SIRT1: variants seen among roughly 807,000 people sequenced by gnomAD.
SIRT1 encodes sirtuin 1.
A neutral mutation model predicts 67.9 loss-of-function variants in SIRT1; 24 were observed. The observed-to-expected ratio is 0.35, with a 90% CI of 0.26 to 0.50. SIRT1 has a LOEUF of 0.50. Among genes scored for constraint, SIRT1 ranks in the 20% least tolerant of loss-of-function variants. SIRT1 has a pLI of 0.98. For synonymous variants in SIRT1, 378 were observed against 350.7 expected, an observed-to-expected ratio of 1.08 and a Z score of -0.87; for missense variants, 873 against 937.2, an observed-to-expected ratio of 0.93 and a Z score of 0.89.
intron 7 of SIRT1, among the ~76,000 whole-genome samples, chr10:67,911,786 C>G (rs1330529996): frequency 1.7e-5 from 2 of 119,664 alleles, no homozygotes; most frequent in Non-Finnish European, 3.3e-5. Flanking sequence ...CACCCTCCCT[C>G]CCTCCCTCCT....
At chr10:67,915,127 T>A (rs150201081) in intron 8 of SIRT1, among the ~76,000 whole-genome samples, 1 of 152,162 alleles carries the variant, frequency 6.6e-6, no homozygotes, top group East Asian at 1.9e-4. Context: ...ATTTTAGGGA[T>A]TCAGGTCAGA....
intron 4 of SIRT1, among the ~76,000 whole-genome samples, chr10:67,904,134 T>TG (rs1842786152): frequency 1.3e-5 from 2 of 149,784 alleles, no homozygotes; most frequent in South Asian, 4.2e-4. Context: ...TTTGTTTTTT[T>TG]TTTTTTTTTT....
chr10:67,888,179 A>G (rs1842516151), intron 2 of SIRT1, among the ~76,000 whole-genome samples: 2 of 152,208 alleles, frequency 1.3e-5, no homozygotes, highest in Admixed American at 6.5e-5. Flanking sequence ...TGTAGAAAGC[A>G]TTATCAGTTT....
Position 67,884,865 on chromosome 10 carries a change from G to A in SIRT1, c.144G>A (p.Pro48=), listed in dbSNP as rs1842449126. 5.8e-6 allele frequency: 7 copies of A among 1,211,188 alleles called. No individual in the cohort carries two copies. The Admixed American group carries it at 2.2e-4, about 38-fold the overall frequency. The allele number at this position is 1,211,188 out of a possible 1,614,324, so 75.0% of individuals were successfully genotyped here. A position where few individuals can be genotyped will look rare whatever the true frequency, so the allele number is the denominator to read the frequency against. The change falls in exon 1 of 9, where the codon CCG becomes CCA. Residue 48 remains proline (P), a synonymous_variant. Transcript: ENST00000212015. The part of the protein sequence containing the change: ...RRDGPGLERS[P]GEPGGAAPER... ...ATGGTCCCGGCCTCGAGCGGAGCCC[G>A]GGCGAGCCCGGTGGGGCGGCCCCAG...
chr10:67,917,119 CTG>C lies in SIRT1; in HGVS notation c.*529_*530del, dbSNP rs1299638094. ...TTTTAAACACTGGCATTTTCCAAAA[CTG>C]TGGCAGCTAACTTTTTAAAATCTCA... On this transcript the variant is annotated 3_prime_UTR_variant, in exon 9 of 9. Transcript: ENST00000212015. 5.9e-5 allele frequency: 9 copies of C among 152,626 alleles called. No individual in the cohort carries two copies. Among genetic ancestry groups the C allele is most frequent in the African/African-American group, 2.2e-4 (9 of 41,440 alleles). The allele number at this position is 152,626 out of a possible 1,614,324, so 9.5% of individuals were successfully genotyped here. A position where few individuals can be genotyped will look rare whatever the true frequency, so the allele number is the denominator to read the frequency against.
chr10:67,891,374 T>G (rs763216581), intron 3 of SIRT1, 28 bp from the exon 4 acceptor site: 2 of 1,608,972 alleles, frequency 1.2e-6, no homozygotes, highest in East Asian at 2.2e-5. Flanking sequence ...AAGATTTAAT[T>G]TTACAAATTA....
In SIRT1 at chr10:67,917,775, A is replaced by G. The variant is rs967911929; in HGVS notation, c.*1182A>G. On this transcript the variant is annotated 3_prime_UTR_variant, in exon 9 of 9. Transcript: ENST00000212015. ...TAGTTAATGAATGAAACTAGTTCTT[A>G]TAATTTATCTTTATTTAAAAGCTTA... 1 of 152,654 alleles carries G rather than the reference A, an allele frequency of 6.6e-6. No homozygotes were observed. Among genetic ancestry groups the G allele is most frequent in the African/African-American group, 2.4e-5 (1 of 41,464 alleles). 9.5% of individuals were successfully genotyped at this position (152,654 alleles called of 1,614,324 possible).
intron 4 of SIRT1, among the ~76,000 whole-genome samples, chr10:67,900,466 G>A (rs10823107): frequency 0.73 from 107,343 of 147,146 alleles, 38,002 homozygotes; most frequent in Non-Finnish European, 0.75. Context: ...TGTTTGAGAC[G>A]GGGTCTCCTT....
In SIRT1 at chr10:67,888,964, A is replaced by T. The variant is rs201862792; in HGVS notation, c.630A>T (p.Ile210=). The T allele has an allele frequency of 1.9e-6, 3 of 1,613,958 alleles. No homozygotes were observed. Among genetic ancestry groups the T allele is most frequent in the Non-Finnish European group, 1.7e-6 (2 of 1,179,938 alleles). Residue 210 remains isoleucine (I), a synonymous_variant, in exon 3 of 9, where the codon ATA becomes ATT. Coordinates refer to ENST00000212015, the MANE Select transcript of SIRT1 (RefSeq NM_012238.5). ...TTAAAGATTTATTGCCGGAAACAATACCTCCACCTGAGTTGGATGATATGA... is the reference window on the plus strand; with the variant it reads ...TTAAAGATTTATTGCCGGAAACAATTCCTCCACCTGAGTTGGATGATATGA... ...TILKDLLPET[I]PPPELDDMTL... is the part of the protein sequence containing the mutation.
intron 4 of SIRT1, among the ~76,000 whole-genome samples, chr10:67,892,216 G>A (rs1444274015): frequency 1.3e-5 from 2 of 152,134 alleles, no homozygotes; most frequent in East Asian, 3.8e-4. Context: ...TTTTTATATG[G>A]AAAAAATACT....
At position 67,885,070 on chromosome 10, in the gene SIRT1, G is replaced by A. The variant is rs756786838; in HGVS notation, c.349G>A (p.Ala117Thr). Residue 117 changes from alanine to threonine, a missense_variant, in exon 1 of 9, where the codon GCC becomes ACC. By Grantham distance (58) the Ala-to-Thr change is moderately conservative. Around this residue, in one of 3 missense-constraint regions of SIRT1, gnomAD observed 327 missense variants for 283.9 expected, o/e 1.15. Coordinates refer to ENST00000212015, the MANE Select transcript of SIRT1 (RefSeq NM_012238.5). ...GGGCCCATCTCGGGAGCCACCGCTGGCCGACAACTTGTACGACGAAGACGA... is the reference window on the plus strand; with the variant it reads ...GGGCCCATCTCGGGAGCCACCGCTGACCGACAACTTGTACGACGAAGACGA... The part of the protein sequence containing the change: ...LQGPSREPPL[A>T]DNLYDEDDDD... 20 of 1,439,522 alleles carry A rather than the reference G, an allele frequency of 1.4e-5. No homozygotes were observed. The South Asian group carries it at 2.6e-4, about 19-fold the overall frequency. The allele number at this position is 1,439,522 out of a possible 1,614,324, so 89.2% of individuals were successfully genotyped here. A position where few individuals can be genotyped will look rare whatever the true frequency, so the allele number is the denominator to read the frequency against.
At chr10:67,905,770 A>G (rs1317406932) in intron 4 of SIRT1, among the ~76,000 whole-genome samples, 1 of 152,240 alleles carries the variant, frequency 6.6e-6, no homozygotes, top group Non-Finnish European at 1.5e-5. Context: ...AAAGTTACAC[A>G]TACTGGTGAC....
chr10:67,904,914 T>C (rs778548168), intron 4 of SIRT1, among the ~76,000 whole-genome samples: 10 of 152,022 alleles, frequency 6.6e-5, no homozygotes, highest in Non-Finnish European at 1.2e-4. Context: ...TTAAAGGTAG[T>C]TGAATTAATA....
chr10:67,906,232 G>A (rs774500227), intron 4 of SIRT1: 11 of 1,530,232 alleles, frequency 7.2e-6, no homozygotes, highest in South Asian at 1.3e-5. Flanking sequence ...CAGCATTCAT[G>A]AGCAACTCTA....
intron 4 of SIRT1, among the ~76,000 whole-genome samples, chr10:67,892,287 T>G (rs993928458): frequency 1.3e-5 from 2 of 152,210 alleles, no homozygotes; most frequent in Non-Finnish European, 2.9e-5. Flanking sequence ...AAATGTATTT[T>G]GGGCTGTGCG....
chr10:67,899,947 G>C (rs1397357098), intron 4 of SIRT1, among the ~76,000 whole-genome samples: 2 of 151,986 alleles, frequency 1.3e-5, no homozygotes, highest in Admixed American at 6.6e-5. Flanking sequence ...AGCCGGCCGT[G>C]GTGGCAAGCG....
At chr10:67,891,293 G>C in intron 3 of SIRT1, 109 bp from the exon 4 acceptor site, 1 of 897,416 alleles carries the variant, frequency 1.1e-6, no homozygotes, top group Non-Finnish European at 1.7e-6. Context: ...AGAAGTTTCA[G>C]ACTAAAATTT....
At chr10:67,898,735 G>C (rs370312962) in intron 4 of SIRT1, among the ~76,000 whole-genome samples, 5 of 152,114 alleles carry the variant, frequency 3.3e-5, no homozygotes, top group African/African-American at 9.7e-5. Context: ...ACTCAGGAGG[G>C]TAAGGTGGGA....
Position 67,909,366 on chromosome 10 carries a change from G to A in SIRT1, c.1281G>A (p.Lys427=). The A allele has an allele frequency of 6.2e-7, 1 of 1,613,874 alleles. No individual in the cohort carries two copies. Among genetic ancestry groups the A allele is most frequent in the Non-Finnish European group, 8.5e-7 (1 of 1,179,956 alleles). The stretch of plus-strand genomic sequence containing the variant: ...CAGAACAGTTTCATAGAGCCATGAA[G>A]TATGACAAAGATGAAGTTGACCTCC... ...NLPEQFHRAM[K]YDKDEVDLLI... Residue 427 remains lysine, a synonymous_variant, in exon 7 of 9, where the codon AAG becomes AAA. Coordinates refer to ENST00000212015, the MANE Select transcript of SIRT1 (RefSeq NM_012238.5).
Sources: gnomAD v4.1 joint callset for allele counts (sites outside exome capture counted in the v4.1 genomes callset) on GRCh38, gnomAD v4.1.1 for gene constraint, gnomAD v4.1.1 regional missense constraint, MANE v1.5 for transcripts, NCBI Gene and HGNC (gene_info 2026-07-23, HGNC 2026-07-21) for gene names.